MUC5B: variants seen among roughly 807,000 people sequenced by gnomAD.
MUC5B encodes the protein mucin-5B.
MUC5B carries 116 observed loss-of-function variants against 376.9 expected under a neutral mutation model. The observed-to-expected ratio is 0.31, with a 90% CI of 0.26 to 0.36. The LOEUF (loss-of-function observed/expected upper bound fraction) is 0.36, where lower values mean the gene tolerates loss of function less well. Ranked by LOEUF, MUC5B falls within the 10% of genes least tolerant of loss-of-function variation. The probability of loss-of-function intolerance (pLI) is 1.00; values close to 1 mark genes in which losing one functional copy is unlikely to be tolerated. For synonymous variants in MUC5B, 3,517 were observed against 3,390.9 expected (o/e 1.04, Z -1.29); for missense variants, 7,165 against 7,769.9 (o/e 0.92, Z 2.93).
At position 1,230,963 on chromosome 11, in the gene MUC5B, G is replaced by A. The variant is rs1222570719; in HGVS notation, c.1498G>A (p.Val500Met). 8.1e-6 allele frequency: 13 copies of A among 1,597,574 alleles called. No homozygotes were observed. Among genetic ancestry groups the A allele is most frequent in the Admixed American group, 3.4e-5 (2 of 58,466 alleles). The stretch of plus-strand genomic sequence containing the variant: ...CATCCGGGTCCAAGCGGACGGCGGC[G>A]TGTTCCTCAACTCCATCTACACGCA... ...TAIRVQADGG[V>M]FLNSIYTQLP... The change falls in exon 13 of 49, where the codon GTG becomes ATG. Residue 500 changes from valine (V) to methionine (M), a missense_variant. Val to Met is a conservative substitution (Grantham distance 21). Around this residue, in one of 31 missense-constraint regions of MUC5B, gnomAD observed 640 missense variants for 733.0 expected, o/e 0.87. Coordinates refer to ENST00000529681, the MANE Select transcript of MUC5B (RefSeq NM_002458.3).
chr11:1,255,029 C>A lies in MUC5B; in HGVS notation c.15665-12C>A. ...CCAGATTCCAGCCCCGCGGTGACGCCCCCACTCCCAGGCACCTGCACCAAC... is the reference window on the plus strand; with the variant it reads ...CCAGATTCCAGCCCCGCGGTGACGCACCCACTCCCAGGCACCTGCACCAAC... On this transcript the variant is annotated splice_polypyrimidine_tract_variant and intron_variant, in intron 35 of 48. Coordinates refer to ENST00000529681, the MANE Select transcript of MUC5B (RefSeq NM_002458.3). 6.3e-7 allele frequency: 1 copy of A among 1,578,540 alleles called. No individual in the cohort carries two copies. The highest frequency in any genetic ancestry group is 1.2e-5 in the South Asian group (1 of 86,480).
rs1862485395 is a variant in MUC5B at position 1,246,779 on chromosome 11, C to A, written c.9899C>A (p.Pro3300Gln). 1 of 1,611,060 alleles carries A rather than the reference C, an allele frequency of 6.2e-7. No homozygotes were observed. Among genetic ancestry groups the A allele is most frequent in the Non-Finnish European group, 8.5e-7 (1 of 1,178,318 alleles). The change falls in exon 31 of 49, where the codon CCA (proline) becomes CAA (glutamine). Residue 3300 changes from proline (P) to glutamine (Q), a missense_variant. Pro to Gln is a moderately conservative substitution (Grantham distance 76). This residue lies in a region of MUC5B where 939 missense variants were observed against 770.6 expected (regional missense o/e 1.22). Coordinates refer to ENST00000529681, the MANE Select transcript of MUC5B (RefSeq NM_002458.3). Reference protein sequence around the residue: ...TGSVATPSSTPGTAHTTKVPT... With the variant: ...TGSVATPSSTQGTAHTTKVPT... ...TCTGTGGCCACCCCCTCCTCCACCC[C>A]AGGAACAGCTCACACTACCAAAGTG...
chr11:1,230,285 C>T, intron 11 of MUC5B, 142 bp downstream of exon 11: 1 of 1,304,120 alleles, frequency 7.7e-7, no homozygotes, highest in Non-Finnish European at 1.0e-6. Context: ...CCATGATGGT[C>T]ATAGAGGGAT....
rs368618889 is a variant in MUC5B, at chr11:1,241,140, C to T, written c.4260C>T (p.Tyr1420=). 6.5e-5 allele frequency: 104 copies of T among 1,609,832 alleles called. No homozygotes were observed. Among genetic ancestry groups the T allele is most frequent in the African/African-American group, 5.1e-4 (38 of 75,004 alleles). ...AGAGTCCCCCGCTCTGTCACGACTA[C>T]GAGCTGCGGGTTCTCTGCTGCGAAT... ...SQQSPPLCHD[Y]ELRVLCCEYV... Residue 1420 remains tyrosine, a synonymous_variant, in exon 31 of 49, where the codon TAC becomes TAT. Transcript: ENST00000529681.
In MUC5B at chr11:1,236,571, G is replaced by C. The variant is rs764533231; in HGVS notation, c.3057+9G>C. ...TGCACCAGGACTACAAGGTGAGCTC[G>C]GGCCGTGCACTCCTAGGCCCTGCAG... On this transcript the variant is annotated intron_variant, in intron 24 of 48. Coordinates refer to ENST00000529681, the MANE Select transcript of MUC5B (RefSeq NM_002458.3). 5 of 1,611,570 alleles carry C rather than the reference G, an allele frequency of 3.1e-6. No homozygotes were observed. The highest frequency in any genetic ancestry group is 1.7e-5 in the Admixed American group (1 of 60,000).
rs368011243 is a variant in MUC5B at position 1,232,458 on chromosome 11, G to A, written c.1852G>A (p.Ala618Thr). The change falls in exon 16 of 49, where the codon GCC becomes ACC. Residue 618 changes from alanine to threonine, a missense_variant. Transcript: ENST00000529681. ...TCAGGTCTTCCCCACAGAGAACTAC[G>A]CCCGGCACTGGTGCTCGCGCCTGAC... ...CSLSVENENY[A>T]RHWCSRLTDP... The A allele has an allele frequency of 8.7e-6, 14 of 1,606,016 alleles. No individual in the cohort carries two copies. Among genetic ancestry groups the A allele is most frequent in the African/African-American group, 4.0e-5 (3 of 74,668 alleles).
chr11:1,258,086 C>T lies in MUC5B; in HGVS notation c.16451-13C>T. The T allele has an allele frequency of 6.4e-7, 1 of 1,566,060 alleles. No homozygotes were observed. The highest frequency in any genetic ancestry group is 8.6e-7 in the Non-Finnish European group (1 of 1,156,604). On this transcript the variant is annotated splice_polypyrimidine_tract_variant and intron_variant, in intron 41 of 48. Transcript: ENST00000529681. The surrounding 1 kb of genome is among the most constrained non-coding windows in gnomAD (Gnocchi z 5.5). Reference sequence around the variant, plus strand: ...TGAGCAGCGCCCAGACAGTGGCCTCCATCCTCCCGCAGTGTGCAACACAAC... The same window carrying T: ...TGAGCAGCGCCCAGACAGTGGCCTCTATCCTCCCGCAGTGTGCAACACAAC...
At position 1,254,773 on chromosome 11, in the gene MUC5B, T is replaced by C. The variant is rs760142163; in HGVS notation, c.15557T>C (p.Met5186Thr). ...VLVSVLGTTTMRVDIPALGVS... is the reference protein window; with the variant it reads ...VLVSVLGTTTTRVDIPALGVS... ...GTGTCTGTGCTGGGGACCACCACCA[T>C]GCGTGTGGACATTCCTGCCCTGGGC... Residue 5186 changes from methionine (M) to threonine (T), a missense_variant, in exon 35 of 49, where the codon ATG becomes ACG. By Grantham distance (81) the Met-to-Thr change is moderately conservative. Coordinates refer to ENST00000529681, the MANE Select transcript of MUC5B (RefSeq NM_002458.3). The C allele has an allele frequency of 5.0e-6, 8 of 1,612,716 alleles. No homozygotes were observed. In the Admixed American group the frequency reaches 1.2e-4, roughly 24 times the overall value.
chr11:1,241,363 C>T lies in MUC5B; in HGVS notation c.4483C>T (p.Pro1495Ser), dbSNP rs556604848. The part of the protein sequence containing the change: ...GSSSGPVTVT[P>S]SAPGTTTCQP... ...CAGCTCAGGCCCCGTGACGGTCACC[C>T]CCTCGGCCCCAGGTACCACCACCTG... The change falls in exon 31 of 49, where the codon CCC becomes TCC. Residue 1495 changes from proline to serine, a missense_variant. Coordinates refer to ENST00000529681, the MANE Select transcript of MUC5B (RefSeq NM_002458.3). 2.5e-6 allele frequency: 4 copies of T among 1,612,922 alleles called. No individual in the cohort carries two copies. The highest frequency in any genetic ancestry group is 2.2e-5 in the East Asian group (1 of 44,820).
rs968712893 is a variant in MUC5B at position 1,253,570 on chromosome 11, A to C, written c.15218-522A>C. ...CAAGCTGGGGAGCTTATACAACAGAAACCCACTCTCCGTCCTGGAGCTGGA... is the reference window on the plus strand; with the variant it reads ...CAAGCTGGGGAGCTTATACAACAGACACCCACTCTCCGTCCTGGAGCTGGA... On this transcript the variant is annotated intron_variant, in intron 33 of 48. Transcript: ENST00000529681. The surrounding 1 kb of genome is among the most constrained non-coding windows in gnomAD (Gnocchi z 4.3). Among the ~76,000 whole-genome samples, 24 of 152,246 alleles carry C rather than the reference A, an allele frequency of 1.6e-4. No homozygotes were observed. Among genetic ancestry groups the C allele is most frequent in the African/African-American group, 5.8e-4 (24 of 41,556 alleles).
chr11:1,252,724 G>T, intron 32 of MUC5B, 85 bp from the exon 33 acceptor site: 1 of 1,491,888 alleles, frequency 6.7e-7, no homozygotes. Context: ...GGCCACCCGG[G>T]GCTTTGGGCC....
At chr11:1,240,801 C>T (rs767362498) in intron 30 of MUC5B, 50 bp from the exon 31 acceptor site, 93 of 1,518,034 alleles carry the variant, frequency 6.1e-5, no homozygotes, top group Non-Finnish European at 7.9e-5. Flanking sequence ...CCTTGTGAGG[C>T]CAGGACTGGA....
At position 1,248,399 on chromosome 11, in the gene MUC5B, C is replaced by T. The variant is rs368224670; in HGVS notation, c.11519C>T (p.Thr3840Met). Reference sequence around the variant, plus strand: ...CACACCTCCACAGTGCTTACCACCACGGCCACCACAACCAGGGCCACCGGC... The same window carrying T: ...CACACCTCCACAGTGCTTACCACCATGGCCACCACAACCAGGGCCACCGGC... Reference protein sequence around the residue: ...TAHTSTVLTTTATTTRATGSV... With the variant: ...TAHTSTVLTTMATTTRATGSV... Residue 3840 changes from threonine (T) to methionine (M), a missense_variant, in exon 31 of 49, where the codon ACG (threonine) becomes ATG (methionine). Physicochemically the swap from Thr to Met is moderately conservative, Grantham distance 81. Around this residue, in one of 31 missense-constraint regions of MUC5B, gnomAD observed 242 missense variants for 199.0 expected, o/e 1.22. Transcript: ENST00000529681. 381 of 1,612,810 alleles carry T rather than the reference C, an allele frequency of 2.4e-4. 4 individuals are homozygous for T. In the East Asian group the frequency reaches 3.0e-3, roughly 13 times the overall value.
At position 1,227,383 on chromosome 11, in the gene MUC5B, G is replaced by A. The variant is rs1861912824; in HGVS notation, c.652G>A (p.Glu218Lys). Reference protein sequence around the residue: ...GDFNGLPAFNEFYAHNARLTP... With the variant: ...GDFNGLPAFNKFYAHNARLTP... ...CTTCAACGGCCTCCCGGCCTTCAACGAGTTCTATGCCCACAGTGAGTGCCA... is the reference window on the plus strand; with the variant it reads ...CTTCAACGGCCTCCCGGCCTTCAACAAGTTCTATGCCCACAGTGAGTGCCA... The change falls in exon 6 of 49, where the codon GAG (glutamate) becomes AAG (lysine). Residue 218 changes from glutamate to lysine, a missense_variant. Transcript: ENST00000529681. 17 of 1,611,204 alleles carry A rather than the reference G, an allele frequency of 1.1e-5. No homozygotes were observed. Among genetic ancestry groups the A allele is most frequent in the African/African-American group, 1.3e-5 (1 of 74,918 alleles).
intron 7 of MUC5B, among the ~76,000 whole-genome samples, chr11:1,228,221 C>A (rs943358468): frequency 6.6e-6 from 1 of 152,220 alleles, no homozygotes; most frequent in African/African-American, 2.4e-5. Context: ...GGACGGAGGA[C>A]ACTCAGCACT....
chr11:1,236,242 C>A, intron 23 of MUC5B, 144 bp from the exon 24 acceptor site: 1 of 715,274 alleles, frequency 1.4e-6, no homozygotes, highest in Non-Finnish European at 2.2e-6. Context: ...GAGGGTCTCA[C>A]GGACCCAGCT....
intron 31 of MUC5B, 49 bp downstream of exon 31, chr11:1,251,792 C>A: frequency 1.5e-6 from 2 of 1,328,296 alleles, no homozygotes; most frequent in South Asian, 1.3e-5. Flanking sequence ...ACATGCTATG[C>A]CAACCTGGGT....
Position 1,261,719 on chromosome 11 carries a change from AC to A in MUC5B, c.*115del. ...CGGAGCCCCCCGGCCTGTGTGTGGC[AC>A]CCCGCGCTCCGTGCTCCTGCTGCCC... On this transcript the variant is annotated 3_prime_UTR_variant, in exon 49 of 49. Transcript: ENST00000529681. The A allele has an allele frequency of 1.8e-6, 2 of 1,120,842 alleles. No homozygotes were observed. The highest frequency in any genetic ancestry group is 2.6e-6 in the Non-Finnish European group (2 of 767,572). The allele number at this position is 1,120,842 out of a possible 1,614,324, so 69.4% of individuals were successfully genotyped here. A position where few individuals can be genotyped will look rare whatever the true frequency, so the allele number is the denominator to read the frequency against.
chr11:1,240,701 T>G, intron 30 of MUC5B, 150 bp from the exon 31 acceptor site: 1 of 787,674 alleles, frequency 1.3e-6, no homozygotes, highest in African/African-American at 1.7e-5. Context: ...CAGAAACGGC[T>G]CTAACCAAGG....
Sources: allele counts gnomAD v4.1 joint callset (sites outside exome capture counted in the v4.1 genomes callset), GRCh38; gene constraint gnomAD v4.1.1; regional missense constraint gnomAD v4.1.1; non-coding constraint Gnocchi (gnomAD v3.1); transcripts MANE v1.5; gene names NCBI Gene and HGNC (gene_info 2026-07-23, HGNC 2026-07-21).